Variants in LHPP observed in about 807,000 individuals in gnomAD.
The protein encoded by LHPP is phospholysine phosphohistidine inorganic pyrophosphate phosphatase.
A neutral mutation model predicts 30.3 loss-of-function variants in LHPP; 24 were observed. That is an observed-to-expected ratio of 0.79 (90% CI 0.57 to 1.11). LHPP has a LOEUF of 1.11. Among genes scored for constraint, LHPP ranks in the 50% most tolerant of loss-of-function variants. The pLI is 0.00. For missense variants in LHPP, 356 were observed against 367.2 expected (o/e 0.97, Z 0.25); for synonymous variants, 150 against 157.1 (o/e 0.95, Z 0.34).
intron 6 of LHPP, among the ~76,000 whole-genome samples, chr10:124,547,033 G>A (rs35384694): frequency 0.023 from 28 of 1,208 alleles, no homozygotes; most frequent in East Asian, 0.2. Context: ...ACACACACAC[G>A]CACACGCGCG....
At chr10:124,474,724 C>T (rs1191691379) in intron 1 of LHPP, among the ~76,000 whole-genome samples, 1 of 152,044 alleles carries the variant, frequency 6.6e-6, no homozygotes, top group African/African-American at 2.4e-5. Context: ...CAAGAGGATT[C>T]GATGTGAACA....
rs1954653164 is a variant in LHPP at position 124,523,258 on chromosome 10, C to T, written c.716+5987C>T. Among the ~76,000 whole-genome samples the T allele has an allele frequency of 6.6e-6, 1 of 152,260 alleles. No individual in the cohort carries two copies. Among genetic ancestry groups the T allele is most frequent in the Non-Finnish European group, 1.5e-5 (1 of 68,038 alleles). ...TTCCTGGACCGTGATTCCCGACATC[C>T]TGCAAGGTCCCTTCTAGCTGTGGCC... On this transcript the variant is annotated intron_variant, in intron 6 of 6. Coordinates refer to ENST00000368842, the MANE Select transcript of LHPP (RefSeq NM_022126.4). The surrounding 1 kb of genome is among the most constrained non-coding windows in gnomAD (Gnocchi z 4.2).
intron 2 of LHPP, among the ~76,000 whole-genome samples, chr10:124,488,207 TCTC>T (rs766710958): frequency 1.4e-4 from 21 of 152,266 alleles, no homozygotes; most frequent in Non-Finnish European, 2.6e-4. Context: ...TGTCCACCTT[TCTC>T]CTCATAAGCC....
intron 6 of LHPP, among the ~76,000 whole-genome samples, chr10:124,531,660 T>A (rs1954905782): frequency 6.6e-6 from 1 of 152,258 alleles, no homozygotes; most frequent in African/African-American, 2.4e-5. Context: ...CGTTTGGGGC[T>A]AGCATTGCTT....
intron 5 of LHPP, among the ~76,000 whole-genome samples, chr10:124,506,792 TTG>T (rs200125467): frequency 5.0e-3 from 19 of 3,790 alleles, no homozygotes; most frequent in Admixed American, 0.01. Context: ...GGATTTCAGG[TTG>T]GGGGGGGTAG....
rs531780724 is a variant in LHPP, at chr10:124,553,090, G to A, written c.716+35819G>A. On this transcript the variant is annotated intron_variant, in intron 6 of 6. Transcript: ENST00000368842. ...CACAAGGGGGCCTTCTGGGGACCTC[G>A]ATGTTGGGAGGGCAGTCAGTGCCTG... Among the ~76,000 whole-genome samples, 9 of 152,344 alleles carry A rather than the reference G, an allele frequency of 5.9e-5. No individual in the cohort carries two copies. In the South Asian group the frequency reaches 1.9e-3, roughly 32 times the overall value.
chr10:124,580,853 G>A (rs1948734881), intron 6 of LHPP, among the ~76,000 whole-genome samples: 1 of 151,798 alleles, frequency 6.6e-6, no homozygotes, highest in Non-Finnish European at 1.5e-5. Flanking sequence ...TGAGTAGCTG[G>A]GATTACAGGC....
intron 6 of LHPP, among the ~76,000 whole-genome samples, chr10:124,548,383 A>G (rs1340759269): frequency 2.0e-5 from 3 of 152,078 alleles, no homozygotes; most frequent in African/African-American, 7.2e-5. Context: ...GAGCTCCACC[A>G]TAGCCAGTAG....
chr10:124,606,562 T>A (rs1005672995), intron 6 of LHPP, among the ~76,000 whole-genome samples: 1 of 152,218 alleles, frequency 6.6e-6, no homozygotes, highest in Non-Finnish European at 1.5e-5. Flanking sequence ...TCGTGTGCAG[T>A]CTTGCCTCTT....
intron 6 of LHPP, among the ~76,000 whole-genome samples, chr10:124,586,020 G>T (rs1948800105): frequency 6.6e-6 from 1 of 152,188 alleles, no homozygotes; most frequent in Non-Finnish European, 1.5e-5. Flanking sequence ...CTGAACTCAA[G>T]TGGTCTGCCT....
chr10:124,578,065 C>A (rs1948691814), intron 6 of LHPP, among the ~76,000 whole-genome samples: 1 of 152,140 alleles, frequency 6.6e-6, no homozygotes, highest in Non-Finnish European at 1.5e-5. Flanking sequence ...TGACTGGGAC[C>A]AAGCCCCAGG....
intron 3 of LHPP, among the ~76,000 whole-genome samples, chr10:124,488,833 G>A (rs955057190): frequency 1.6e-4 from 24 of 152,266 alleles, no homozygotes; most frequent in African/African-American, 5.5e-4. Context: ...CTAGAAGAGG[G>A]CGTCATTGCA....
chr10:124,477,011 G>A (rs1327720917), intron 1 of LHPP, among the ~76,000 whole-genome samples: 1 of 152,156 alleles, frequency 6.6e-6, no homozygotes, highest in Non-Finnish European at 1.5e-5. Flanking sequence ...TTCAAGACCA[G>A]CCTAGCCAAC....
intron 5 of LHPP, among the ~76,000 whole-genome samples, chr10:124,501,163 A>T (rs1181948402): frequency 6.6e-6 from 1 of 151,992 alleles, no homozygotes; most frequent in Non-Finnish European, 1.5e-5. Flanking sequence ...AAGGACACAT[A>T]TTGTATTCTT....
At chr10:124,595,738 T>C (rs1338128702) in intron 6 of LHPP, among the ~76,000 whole-genome samples, 6 of 152,198 alleles carry the variant, frequency 3.9e-5, no homozygotes, top group Non-Finnish European at 8.8e-5. Flanking sequence ...TCTGCATCTG[T>C]CCCAGTACAA....
At chr10:124,589,467 T>C (rs1434408297) in intron 6 of LHPP, among the ~76,000 whole-genome samples, 2 of 152,166 alleles carry the variant, frequency 1.3e-5, no homozygotes, top group African/African-American at 2.4e-5. Context: ...TGCTTAGATG[T>C]AGTTCACAAT....
At chr10:124,473,207 T>C (rs1305402718) in intron 1 of LHPP, among the ~76,000 whole-genome samples, 1 of 152,136 alleles carries the variant, frequency 6.6e-6, no homozygotes, top group East Asian at 1.9e-4. Flanking sequence ...AATGGAGTCC[T>C]GCCCCTACCC....
At position 124,478,183 on chromosome 10, in the gene LHPP, G is replaced by C. The variant is rs528116389; in HGVS notation, c.126-5956G>C. 1.3e-5 allele frequency among the ~76,000 whole-genome samples: 2 copies of C among 152,222 alleles called. No homozygotes were observed. Among genetic ancestry groups the C allele is most frequent in the Non-Finnish European group, 1.5e-5 (1 of 68,030 alleles). On this transcript the variant is annotated intron_variant, in intron 1 of 6. Transcript: ENST00000368842. This position sits in a 1 kb window ranked among gnomAD's most constrained non-coding sequence, Gnocchi z 4.7. Reference sequence around the variant, plus strand: ...CAGGACCAGAGCAGCACCAAGGGCTGTGTGGGCGCAGCTCGGAGGATGGGA... The same window carrying C: ...CAGGACCAGAGCAGCACCAAGGGCTCTGTGGGCGCAGCTCGGAGGATGGGA...
chr10:124,477,683 G>C (rs1321990406), intron 1 of LHPP, among the ~76,000 whole-genome samples: 2 of 152,210 alleles, frequency 1.3e-5, no homozygotes, highest in Non-Finnish European at 2.9e-5. Context: ...CAGGATTCTA[G>C]AGAGCATCTG....
Sources: gnomAD v4.1 joint callset for allele counts (sites outside exome capture counted in the v4.1 genomes callset) on GRCh38, gnomAD v4.1.1 for gene constraint, Gnocchi (gnomAD v3.1) non-coding constraint, MANE v1.5 for transcripts, NCBI Gene and HGNC (gene_info 2026-07-23, HGNC 2026-07-21) for gene names.